CSMD1: variants seen among roughly 807,000 people sequenced by gnomAD.
The protein encoded by CSMD1 is CUB and Sushi multiple domains 1.
In CSMD1, 213 loss-of-function variants were observed where a neutral mutation model predicts 417.5. The observed-to-expected ratio is 0.51, with a 90% CI of 0.46 to 0.57. The LOEUF (loss-of-function observed/expected upper bound fraction) is 0.57. CSMD1 is among the 20% of genes least tolerant of loss of function. The pLI, the probability that CSMD1 is intolerant of heterozygous loss-of-function variation, is 0.00. For synonymous variants in CSMD1, 2,862 were observed against 1,736.8 expected, an observed-to-expected ratio of 1.65 and a Z score of -16.11; for missense variants, 6,923 against 4,529.7, an observed-to-expected ratio of 1.53 and a Z score of -15.17.
intron 5 of CSMD1, among the ~76,000 whole-genome samples, chr8:3,886,800 G>T (rs931754368): frequency 6.6e-6 from 1 of 152,158 alleles, no homozygotes; most frequent in Non-Finnish European, 1.5e-5. Flanking sequence ...GATTACAGAA[G>T]GAAGGAGGGT....
intron 56 of CSMD1, 28 bp downstream of exon 56, chr8:2,974,423 T>C (rs760618074): frequency 1.7e-5 from 26 of 1,497,812 alleles, no homozygotes; most frequent in Non-Finnish European, 1.8e-6. Context: ...AATCTGTAAT[T>C]CTGTCAGTTC....
In CSMD1 at chr8:2,998,026, G is replaced by A. The variant is rs1201988082; in HGVS notation, c.8362C>T (p.Leu2788=). 6.2e-7 allele frequency: 1 copy of A among 1,613,740 alleles called. No individual in the cohort carries two copies. Among genetic ancestry groups the A allele is most frequent in the Non-Finnish European group, 8.5e-7 (1 of 1,179,802 alleles). Residue 2788 remains leucine, a synonymous_variant, in exon 54 of 70, where the codon CTG becomes TTG. Coordinates refer to ENST00000635120, the MANE Select transcript of CSMD1 (RefSeq NM_033225.6). ...CRSNGQWSSP[L]PTCRVVNCSD... The stretch of plus-strand genomic sequence containing the variant: ...CTGTTCCTACCTCGACACGTGGGCA[G>A]AGGGCTACTCCACTGGCCGTTGCTC...
chr8:4,610,977 A>T (rs1174467305), intron 2 of CSMD1, among the ~76,000 whole-genome samples: 1 of 152,236 alleles, frequency 6.6e-6, no homozygotes, highest in Non-Finnish European at 1.5e-5. Flanking sequence ...TAGTATCTGC[A>T]TCCTTTCCTT....
chr8:3,100,819 C>A (rs62488453), intron 46 of CSMD1, among the ~76,000 whole-genome samples: 18,602 of 152,092 alleles, frequency 0.12, 1,268 homozygotes, highest in East Asian at 0.16. Context: ...TTATGAGTAA[C>A]TAAGATTATT....
At chr8:3,721,307 G>A (rs891368397) in intron 6 of CSMD1, among the ~76,000 whole-genome samples, 1 of 152,094 alleles carries the variant, frequency 6.6e-6, no homozygotes, top group Non-Finnish European at 1.5e-5. Context: ...CACATATTCG[G>A]GTGTGTAAGT....
intron 40 of CSMD1, among the ~76,000 whole-genome samples, chr8:3,145,506 GA>G (rs1270877515): frequency 2.6e-5 from 4 of 152,062 alleles, no homozygotes; most frequent in Non-Finnish European, 4.4e-5. Flanking sequence ...TACTGATTTG[GA>G]ATTCAGTTTG....
At chr8:3,896,811 G>C (rs1175067660) in intron 5 of CSMD1, among the ~76,000 whole-genome samples, 1 of 151,970 alleles carries the variant, frequency 6.6e-6, no homozygotes, top group Non-Finnish European at 1.5e-5. Flanking sequence ...TTGATGGTCT[G>C]ATTGTGACAT....
intron 7 of CSMD1, among the ~76,000 whole-genome samples, chr8:3,620,976 A>G (rs3102099): frequency 0.67 from 101,461 of 151,914 alleles, 34,326 homozygotes; most frequent in African/African-American, 0.74. Flanking sequence ...ATTAACTTAA[A>G]GTGTCATCCT....
At chr8:3,048,653 T>C (rs563627881) in intron 50 of CSMD1, among the ~76,000 whole-genome samples, 19 of 151,970 alleles carry the variant, frequency 1.3e-4, no homozygotes, top group African/African-American at 4.1e-4. Flanking sequence ...TAGGAGAAAA[T>C]TGTGGTGCCC....
intron 3 of CSMD1, among the ~76,000 whole-genome samples, chr8:4,330,488 G>A (rs1216075856): frequency 1.3e-5 from 2 of 151,776 alleles, no homozygotes; most frequent in Non-Finnish European, 2.9e-5. Flanking sequence ...TACTTAGGAG[G>A]CTGAGACAGG....
At chr8:4,226,579 T>C (rs1265547366) in intron 3 of CSMD1, among the ~76,000 whole-genome samples, 4 of 152,314 alleles carry the variant, frequency 2.6e-5, no homozygotes, top group African/African-American at 9.6e-5. Context: ...ACTAATAACT[T>C]ATTAAAAGGG....
At chr8:4,174,924 T>A (rs1247199361) in intron 3 of CSMD1, among the ~76,000 whole-genome samples, 1 of 151,128 alleles carries the variant, frequency 6.6e-6, no homozygotes, top group African/African-American at 2.4e-5. Context: ...AGAACTGATG[T>A]CAACTCCTTA....
chr8:3,296,617 G>C (rs1424570476), intron 25 of CSMD1, among the ~76,000 whole-genome samples: 1 of 152,174 alleles, frequency 6.6e-6, no homozygotes, highest in Non-Finnish European at 1.5e-5. Flanking sequence ...ATCCAAGAAA[G>C]TGGCGTATGT....
At chr8:4,027,433 G>A (rs1372469064) in intron 4 of CSMD1, among the ~76,000 whole-genome samples, 1 of 152,158 alleles carries the variant, frequency 6.6e-6, no homozygotes. Flanking sequence ...TTAGATCATG[G>A]GGGTGGGTCC....
intron 3 of CSMD1, among the ~76,000 whole-genome samples, chr8:4,276,567 T>C (rs1460188309): frequency 6.6e-6 from 1 of 152,166 alleles, no homozygotes; most frequent in Non-Finnish European, 1.5e-5. Flanking sequence ...GTTCTGCACA[T>C]GTACCCCAGA....
At chr8:3,212,431 C>G (rs1489080457) in intron 30 of CSMD1, among the ~76,000 whole-genome samples, 2 of 152,252 alleles carry the variant, frequency 1.3e-5, no homozygotes, top group Admixed American at 6.5e-5. Flanking sequence ...TCACTGAAAC[C>G]TTCACCTACC....
chr8:4,565,623 T>C (rs1798559753), intron 2 of CSMD1, among the ~76,000 whole-genome samples: 1 of 151,650 alleles, frequency 6.6e-6, no homozygotes, highest in Non-Finnish European at 1.5e-5. Flanking sequence ...TAGTCCCAGC[T>C]ACTCAGGAGG....
At chr8:4,058,920 C>G (rs2130729584) in intron 3 of CSMD1, among the ~76,000 whole-genome samples, 1 of 152,148 alleles carries the variant, frequency 6.6e-6, no homozygotes, top group Non-Finnish European at 1.5e-5. Context: ...AGGAATTGAA[C>G]TCAGCTCTGC....
chr8:4,045,347 G>A (rs934078722), intron 3 of CSMD1, among the ~76,000 whole-genome samples: 3 of 152,168 alleles, frequency 2.0e-5, no homozygotes, highest in African/African-American at 7.2e-5. Flanking sequence ...TGTATGATAT[G>A]AGCAGACGAA....
Sources: gnomAD v4.1 joint callset for allele counts (sites outside exome capture counted in the v4.1 genomes callset) on GRCh38, gnomAD v4.1.1 for gene constraint, MANE v1.5 for transcripts, NCBI Gene and HGNC (gene_info 2026-07-23, HGNC 2026-07-21) for gene names.